Variants in SLMAP observed in about 807,000 individuals in gnomAD.
SLMAP encodes the protein sarcolemma associated protein.
A neutral mutation model predicts 128.8 loss-of-function variants in SLMAP; 44 were observed. The observed-to-expected ratio is 0.34, with a 90% CI of 0.27 to 0.44. The LOEUF (loss-of-function observed/expected upper bound fraction) is 0.44. SLMAP is among the 20% of genes least tolerant of loss of function. SLMAP has a pLI of 1.00. For missense variants in SLMAP, 787 were observed against 985.3 expected, an observed-to-expected ratio of 0.80 and a Z score of 2.69; for synonymous variants, 327 against 348.8, an observed-to-expected ratio of 0.94 and a Z score of 0.70.
intron 2 of SLMAP, among the ~76,000 whole-genome samples, chr3:57,775,982 A>T (rs2081856494): frequency 6.6e-6 from 1 of 152,188 alleles, no homozygotes; most frequent in Non-Finnish European, 1.5e-5. Flanking sequence ...TATAGGCGTG[A>T]GCCACCACGC....
chr3:57,869,745 TAATA>T (rs2095437960), intron 13 of SLMAP, among the ~76,000 whole-genome samples: 1 of 148,714 alleles, frequency 6.7e-6, no homozygotes, highest in Non-Finnish European at 1.5e-5. Flanking sequence ...TTAAAATGAT[TAATA>T]AATTATTCAT....
At position 57,889,996 on chromosome 3, in the gene SLMAP, C is replaced by T. The variant is rs958566830; in HGVS notation, c.1301-45C>T. ...TTACACTGCCCAGCTCAGGGAAATG[C>T]TGCTCAGTTTGGGCTTGGATGGTAA... On this transcript the variant is annotated intron_variant, in intron 14 of 24. Transcript: ENST00000671191. The T allele has an allele frequency of 2.2e-6, 3 of 1,363,552 alleles. No individual in the cohort carries two copies. The South Asian group carries it at 3.5e-5, about 16-fold the overall frequency. 84.5% of individuals were successfully genotyped at this position (1,363,552 alleles called of 1,614,324 possible). A position where few individuals can be genotyped will look rare whatever the true frequency, so the allele number is the denominator to read the frequency against.
intron 2 of SLMAP, among the ~76,000 whole-genome samples, chr3:57,789,602 A>G (rs955492333): frequency 1.3e-5 from 2 of 152,168 alleles, no homozygotes; most frequent in African/African-American, 4.8e-5. Flanking sequence ...AAGTACACAG[A>G]TGAGCCTAGA....
intron 2 of SLMAP, among the ~76,000 whole-genome samples, chr3:57,759,817 G>GA (rs2153426129): frequency 6.6e-6 from 1 of 152,242 alleles, no homozygotes; most frequent in South Asian, 2.1e-4. Context: ...TTACTTATTT[G>GA]AAAAATACTG....
intron 2 of SLMAP, among the ~76,000 whole-genome samples, chr3:57,813,123 T>C (rs1165063560): frequency 2.0e-5 from 3 of 147,256 alleles, no homozygotes; most frequent in African/African-American, 7.6e-5. Context: ...TGAGACAGAG[T>C]CTTGCTCTGT....
At chr3:57,786,731 ATTT>A (rs35138483) in intron 2 of SLMAP, among the ~76,000 whole-genome samples, 13 of 88,738 alleles carry the variant, frequency 1.5e-4, no homozygotes, top group Non-Finnish European at 6.5e-5. Context: ...TAGTCTTTGT[ATTT>A]TTTTTTTTTT....
At chr3:57,848,991 G>C (rs2094405065) in intron 5 of SLMAP, among the ~76,000 whole-genome samples, 1 of 151,858 alleles carries the variant, frequency 6.6e-6, no homozygotes, top group Admixed American at 6.6e-5. Flanking sequence ...TTACAGGCGT[G>C]AGCCACCGTA....
At chr3:57,811,713 A>C (rs1048630549) in intron 2 of SLMAP, among the ~76,000 whole-genome samples, 1 of 152,210 alleles carries the variant, frequency 6.6e-6, no homozygotes, top group African/African-American at 2.4e-5. Flanking sequence ...ACAGTGCATA[A>C]GGGTTCCAAT....
At chr3:57,766,038 G>A (rs1345802175) in intron 2 of SLMAP, among the ~76,000 whole-genome samples, 2 of 132,360 alleles carry the variant, frequency 1.5e-5, no homozygotes, top group African/African-American at 5.7e-5. Flanking sequence ...TTGCTCTGTT[G>A]CCCAGGCTGG....
chr3:57,819,371 G>A (rs2092282262), intron 2 of SLMAP, among the ~76,000 whole-genome samples: 1 of 152,092 alleles, frequency 6.6e-6, no homozygotes, highest in African/African-American at 2.4e-5. Flanking sequence ...TAAATTTAAA[G>A]CATTTTTAAA....
chr3:57,821,912 TTCCTCCTCC>T lies in SLMAP; in HGVS notation c.199-9450_199-9442del, dbSNP rs112836711. On this transcript the variant is annotated intron_variant, in intron 2 of 24. Transcript: ENST00000671191. ...ATATATAAATTTGCTGCAATACCTG[TTCCTCCTCC>T]TCCTCCTCCTCCTCCTCCTCTTTCT... Among the ~76,000 whole-genome samples the T allele has an allele frequency of 1.3e-4, 19 of 148,770 alleles. No individual in the cohort carries two copies. The South Asian group carries it at 2.2e-3, about 17-fold the overall frequency.
rs1468996244 is a variant in SLMAP at position 57,908,996 on chromosome 3, A to G, written c.1625-80A>G. On this transcript the variant is annotated intron_variant, in intron 18 of 24. Transcript: ENST00000671191. ...ATAATCTTTTAGGAGAGAATTTTAA[A>G]AGAAATTTTCAGCTGCTCAACTCTG... 6.1e-6 allele frequency: 6 copies of G among 991,686 alleles called. No individual in the cohort carries two copies. The African/African-American group carries it at 8.2e-5, about 14-fold the overall frequency. The allele number at this position is 991,686 out of a possible 1,614,324, so 61.4% of individuals were successfully genotyped here. A position where few individuals can be genotyped will look rare whatever the true frequency, so the allele number is the denominator to read the frequency against.
intron 2 of SLMAP, among the ~76,000 whole-genome samples, chr3:57,803,114 G>A (rs1338934665): frequency 6.6e-6 from 1 of 152,028 alleles, no homozygotes; most frequent in Non-Finnish European, 1.5e-5. Flanking sequence ...AAAACCAAGC[G>A]AAGGCAAATA....
chr3:57,795,170 A>G (rs1166036129), intron 2 of SLMAP, among the ~76,000 whole-genome samples: 1 of 152,194 alleles, frequency 6.6e-6, no homozygotes, highest in Non-Finnish European at 1.5e-5. Flanking sequence ...CTAATGACTA[A>G]TAATTGAGCA....
intron 3 of SLMAP, among the ~76,000 whole-genome samples, chr3:57,840,250 G>A (rs958161559): frequency 6.6e-6 from 1 of 152,196 alleles, no homozygotes; most frequent in Non-Finnish European, 1.5e-5. Context: ...CACCATGCCC[G>A]GCCAACATTA....
chr3:57,835,882 A>G (rs2093616551), intron 3 of SLMAP, among the ~76,000 whole-genome samples: 1 of 146,800 alleles, frequency 6.8e-6, no homozygotes, highest in Non-Finnish European at 1.5e-5. Flanking sequence ...CTGCAAAACA[A>G]TACTATATAG....
chr3:57,874,549 C>T (rs528929084), intron 14 of SLMAP, among the ~76,000 whole-genome samples: 41 of 151,542 alleles, frequency 2.7e-4, no homozygotes, highest in Admixed American at 9.9e-4. Flanking sequence ...ACTGAGACTC[C>T]GTCTCTTTGG....
intron 2 of SLMAP, among the ~76,000 whole-genome samples, chr3:57,799,860 G>A (rs2087773600): frequency 6.6e-6 from 1 of 152,052 alleles, no homozygotes; most frequent in East Asian, 1.9e-4. Context: ...TCTTACAGTT[G>A]ACCATGGATG....
At chr3:57,908,889 T>C (rs1242691602) in intron 18 of SLMAP, among the ~76,000 whole-genome samples, 187 bp from the exon 19 acceptor site, 1 of 152,204 alleles carries the variant, frequency 6.6e-6, no homozygotes, top group Non-Finnish European at 1.5e-5. Context: ...GATTTATTAC[T>C]TACTACAGTT....
Sources: allele counts gnomAD v4.1 joint callset (sites outside exome capture counted in the v4.1 genomes callset), GRCh38; gene constraint gnomAD v4.1.1; transcripts MANE v1.5; gene names NCBI Gene and HGNC (gene_info 2026-07-23, HGNC 2026-07-21).